The following USH2A variants were observed in gnomAD, a reference collection of about 807,000 sequenced individuals.
The protein encoded by USH2A is usherin.
In USH2A, 443 loss-of-function variants were observed where a neutral mutation model predicts 538.9. The observed-to-expected ratio is 0.82, with a 90% CI of 0.76 to 0.89. USH2A has a LOEUF of 0.89. Among genes scored for constraint, USH2A ranks in the 40% least tolerant of loss-of-function variants. The pLI is 0.00. For missense variants in USH2A, 6,633 were observed against 6,324.8 expected, an observed-to-expected ratio of 1.05 and a Z score of -1.65; for synonymous variants, 2,413 against 2,273.5, an observed-to-expected ratio of 1.06 and a Z score of -1.75.
chr1:215,625,492 T>C lies in USH2A; in HGVS notation c.*289A>G. ...CTGATTATTCAGTTAACCAGGAGCA[T>C]CACTGCCAAACAGAACCAAGTGACA... is the stretch of plus-strand genomic sequence containing the variant. On this transcript the variant is annotated 3_prime_UTR_variant, in exon 72 of 72. Transcript: ENST00000307340. 2.3e-6 allele frequency: 1 copy of C among 435,342 alleles called. No individual in the cohort carries two copies. The highest frequency in any genetic ancestry group is 4.2e-6 in the Non-Finnish European group (1 of 236,596). 27.0% of individuals were successfully genotyped at this position (435,342 alleles called of 1,614,324 possible).
Position 216,371,827 on chromosome 1 carries a change from G to A in USH2A, c.652-6742C>T, listed in dbSNP as rs1455552333. Among the ~76,000 whole-genome samples the A allele has an allele frequency of 3.9e-5, 6 of 152,056 alleles. No individual in the cohort carries two copies. The East Asian group carries it at 1.2e-3, about 29-fold the overall frequency. ...ACCCCGAAAATGAAAACAACAACAT[G>A]AACTATGTGATGTTACAACTCTAAG... On this transcript the variant is annotated intron_variant, in intron 3 of 71. Coordinates refer to ENST00000307340, the MANE Select transcript of USH2A (RefSeq NM_206933.4).
intron 21 of USH2A, chr1:216,173,996 A>T (rs2034323503): frequency 3.0e-6 from 3 of 985,090 alleles, no homozygotes; most frequent in Non-Finnish European, 3.6e-6. Context: ...TTTTAGCTCA[A>T]TGGTTCAATT....
rs756510549 is a variant in USH2A at position 215,624,956 on chromosome 1, A to C, written c.*825T>G. The C allele has an allele frequency of 1.3e-5, 2 of 152,202 alleles. No homozygotes were observed. The highest frequency in any genetic ancestry group is 2.9e-5 in the Non-Finnish European group (2 of 68,032). The allele number at this position is 152,202 out of a possible 1,614,324, so 9.4% of individuals were successfully genotyped here. A position where few individuals can be genotyped will look rare whatever the true frequency, so the allele number is the denominator to read the frequency against. On this transcript the variant is annotated 3_prime_UTR_variant, in exon 72 of 72. Transcript: ENST00000307340. ...GTCAGTATTCTCTGATATTCAGTGAATTGACAGAATTTTATGAGAAACTAG... is the reference window on the plus strand; with the variant it reads ...GTCAGTATTCTCTGATATTCAGTGACTTGACAGAATTTTATGAGAAACTAG...
At position 215,696,156 on chromosome 1, in the gene USH2A, A is replaced by T. The variant is rs1238122951; in HGVS notation, c.12067-15780T>A. ...AACAAACACATATTTTGTTTGTTAT[A>T]TGTATTATATACTGCATTCTTACAA... is the stretch of plus-strand genomic sequence containing the variant. On this transcript the variant is annotated intron_variant, in intron 61 of 71. Coordinates refer to ENST00000307340, the MANE Select transcript of USH2A (RefSeq NM_206933.4). Among the ~76,000 whole-genome samples the T allele has an allele frequency of 5.6e-4, 85 of 152,296 alleles. 3 individuals carry two copies. Among genetic ancestry groups the T allele is most frequent in the Non-Finnish European group, 1.0e-4 (7 of 68,024 alleles).
rs1553261114 is a variant in USH2A, at chr1:215,779,929, C to T, written c.10853G>A (p.Gly3618Asp). Residue 3618 changes from glycine (G) to aspartate (D), a missense_variant, in exon 55 of 72, where the codon GGC becomes GAC. By Grantham distance (94) the Gly-to-Asp change is moderately conservative (BLOSUM62 -1). Coordinates refer to ENST00000307340, the MANE Select transcript of USH2A (RefSeq NM_206933.4). ...LSWSVPEKSN[G>D]VIKEYQIRQV... ...CCTGATCTGGTACTCTTTAATGACG[C>T]CGTTTGATTTCTCAGGGACACTCCA... The T allele has an allele frequency of 4.3e-6, 7 of 1,614,038 alleles. No individual in the cohort carries two copies. The South Asian group carries it at 4.4e-5, about 10-fold the overall frequency.
intron 37 of USH2A, among the ~76,000 whole-genome samples, chr1:215,939,438 G>T (rs1259321553): frequency 6.6e-6 from 1 of 151,964 alleles, no homozygotes; most frequent in African/African-American, 2.4e-5. Context: ...TGAACAACAG[G>T]TTTTACTTAT....
chr1:215,799,592 C>T (rs1195324788), intron 49 of USH2A, among the ~76,000 whole-genome samples: 1 of 152,140 alleles, frequency 6.6e-6, no homozygotes, highest in Non-Finnish European at 1.5e-5. Context: ...GTAAAAAATA[C>T]TGTATTTAAG....
At chr1:216,158,072 G>A (rs1238608063) in intron 21 of USH2A, among the ~76,000 whole-genome samples, 2 of 151,786 alleles carry the variant, frequency 1.3e-5, no homozygotes, top group Non-Finnish European at 2.9e-5. Context: ...GCAATAGTTG[G>A]CTCATTTTTA....
In USH2A at chr1:216,151,612, T is replaced by G. The variant is rs956680850; in HGVS notation, c.4627+23640A>C. Among the ~76,000 whole-genome samples the G allele has an allele frequency of 9.9e-5, 15 of 152,160 alleles. 1 individual carries two copies. The highest frequency in any genetic ancestry group is 6.2e-4 in the South Asian group (3 of 4,830). ...CATCACACACATATCACAAACTTTA[T>G]CAGTCCTCCAGGCCCAAGTTGACTC... On this transcript the variant is annotated intron_variant, in intron 21 of 71. Transcript: ENST00000307340.
chr1:216,401,516 A>G (rs1405630819), intron 3 of USH2A, among the ~76,000 whole-genome samples: 1 of 152,102 alleles, frequency 6.6e-6, no homozygotes, highest in East Asian at 1.9e-4. Context: ...ATATAAACTT[A>G]ATTTTTAAAA....
At chr1:215,688,571 G>C (rs1226533938) in intron 61 of USH2A, among the ~76,000 whole-genome samples, 1 of 152,112 alleles carries the variant, frequency 6.6e-6, no homozygotes, top group Non-Finnish European at 1.5e-5. Context: ...TGCAATTCTT[G>C]AGGTTAGAAG....
Position 216,175,053 on chromosome 1 carries a change from T to A in USH2A, c.4627+199A>T, listed in dbSNP as rs1437965414. 28 of 1,416,324 alleles carry A rather than the reference T, an allele frequency of 2.0e-5. 2 individuals carry two copies. The South Asian group carries it at 3.8e-4, about 19-fold the overall frequency. 87.7% of individuals were successfully genotyped at this position (1,416,324 alleles called of 1,614,324 possible). A position where few individuals can be genotyped will look rare whatever the true frequency, so the allele number is the denominator to read the frequency against. ...TCATCTTCATCTTTTATTTTTCCTT[T>A]CCTTCACTTACCTGACTTTTTTCCC... is the stretch of plus-strand genomic sequence containing the variant. On this transcript the variant is annotated intron_variant, in intron 21 of 71. Transcript: ENST00000307340.
Position 216,072,874 on chromosome 1 carries a change from A to G in USH2A, c.5857+15T>C, listed in dbSNP as rs1228603331. 2 of 1,609,734 alleles carry G rather than the reference A, an allele frequency of 1.2e-6. No individual in the cohort carries two copies. Among genetic ancestry groups the G allele is most frequent in the Admixed American group, 1.7e-5 (1 of 59,988 alleles). ...GTGTGTGTGTGCACATATGCATTTGAAGATAAGTATTTACCTGCTCCTGTT... is the reference window on the plus strand; with the variant it reads ...GTGTGTGTGTGCACATATGCATTTGGAGATAAGTATTTACCTGCTCCTGTT... On this transcript the variant is annotated intron_variant, in intron 29 of 71. Coordinates refer to ENST00000307340, the MANE Select transcript of USH2A (RefSeq NM_206933.4).
intron 12 of USH2A, among the ~76,000 whole-genome samples, chr1:216,248,762 T>A (rs935772733): frequency 6.6e-6 from 1 of 152,122 alleles, no homozygotes; most frequent in African/African-American, 2.4e-5. Flanking sequence ...ATATCAGTTT[T>A]AAAAATATGC....
intron 46 of USH2A, among the ~76,000 whole-genome samples, chr1:215,841,349 A>G (rs1205667611): frequency 6.6e-6 from 1 of 152,140 alleles, no homozygotes; most frequent in African/African-American, 2.4e-5. Flanking sequence ...AAACAGACAC[A>G]TGGACCAATG....
At chr1:215,763,742 AAG>A (rs909001351) in intron 56 of USH2A, among the ~76,000 whole-genome samples, 71 of 152,244 alleles carry the variant, frequency 4.7e-4, no homozygotes, top group African/African-American at 1.7e-3. Flanking sequence ...GGATGTGAGA[AAG>A]AGGAAAAATG....
At chr1:216,150,142 G>A (rs1040750688) in intron 21 of USH2A, among the ~76,000 whole-genome samples, 8 of 151,950 alleles carry the variant, frequency 5.3e-5, no homozygotes, top group Admixed American at 2.6e-4. Context: ...TCTTCTGTCC[G>A]GTCATACTCC....
At chr1:215,689,341 A>T (rs1658526810) in intron 61 of USH2A, among the ~76,000 whole-genome samples, 1 of 152,220 alleles carries the variant, frequency 6.6e-6, no homozygotes, top group Non-Finnish European at 1.5e-5. Context: ...CTGAAACTTA[A>T]CAAGTCTCCA....
intron 64 of USH2A, among the ~76,000 whole-genome samples, chr1:215,652,362 C>T (rs907302503): frequency 7.2e-5 from 11 of 152,188 alleles, no homozygotes; most frequent in Non-Finnish European, 1.3e-4. Flanking sequence ...GAAAATTAAA[C>T]GACTTGTCCA....
Sources: gnomAD v4.1 joint callset for allele counts (sites outside exome capture counted in the v4.1 genomes callset) on GRCh38, gnomAD v4.1.1 for gene constraint, MANE v1.5 for transcripts, NCBI Gene and HGNC (gene_info 2026-07-23, HGNC 2026-07-21) for gene names.